The following XKR9 variants were observed in gnomAD, a reference collection of about 807,000 sequenced individuals.
The protein encoded by XKR9 is XK related 9.
XKR9 carries 32 observed loss-of-function variants against 32.0 expected under a neutral mutation model. The observed-to-expected ratio is 1.00, with a 90% CI of 0.76 to 1.34. XKR9 has a LOEUF of 1.34. Ranked by LOEUF, XKR9 falls within the 40% of genes most tolerant of loss-of-function variation. The pLI is 0.00. For synonymous variants in XKR9, 168 were observed against 143.4 expected (o/e 1.17, Z -1.22); for missense variants, 546 against 429.7 (o/e 1.27, Z -2.39).
the XKR9 span, among the ~76,000 whole-genome samples, chr8:70,820,477 C>T: frequency 6.6e-6 from 1 of 152,122 alleles, no homozygotes. Flanking sequence ...GCATGTTATA[C>T]AATGATAGAG....
chr8:70,855,361 T>C, the XKR9 span, among the ~76,000 whole-genome samples: 1 of 152,020 alleles, frequency 6.6e-6, no homozygotes, highest in Non-Finnish European at 1.5e-5. Context: ...TTCAATCAAC[T>C]GGAAGAAAGG....
intron 2 of XKR9, among the ~76,000 whole-genome samples, chr8:70,761,498 G>A (rs1037174701): frequency 3.3e-5 from 5 of 152,028 alleles, no homozygotes; most frequent in Admixed American, 1.3e-4. Flanking sequence ...TTGTTCGCAC[G>A]TGTCTTCTTT....
chr8:70,791,886 C>A (rs971890041), downstream of XKR9, among the ~76,000 whole-genome samples: 6 of 152,036 alleles, frequency 3.9e-5, no homozygotes, highest in Non-Finnish European at 7.4e-5. Context: ...TGATTTACCC[C>A]CTTCATTTAT....
the XKR9 span, among the ~76,000 whole-genome samples, chr8:70,833,999 G>A: frequency 1.3e-5 from 2 of 152,120 alleles, no homozygotes; most frequent in East Asian, 1.9e-4. Context: ...AATGCAATGG[G>A]TAGCCATGGA....
downstream of XKR9, among the ~76,000 whole-genome samples, chr8:70,736,376 C>T (rs1039446783): frequency 2.6e-5 from 4 of 151,980 alleles, no homozygotes; most frequent in Non-Finnish European, 5.9e-5. Flanking sequence ...AGCCCTTTGT[C>T]AGATGAGTAG....
chr8:70,863,797 T>C, the XKR9 span, among the ~76,000 whole-genome samples: 10 of 152,266 alleles, frequency 6.6e-5, no homozygotes, highest in South Asian at 2.1e-3. Context: ...AGGAGAAATA[T>C]AGAGAACAAC....
At chr8:70,747,262 G>C (rs555416781) in intron 2 of XKR9, among the ~76,000 whole-genome samples, 1 of 152,154 alleles carries the variant, frequency 6.6e-6, no homozygotes, top group African/African-American at 2.4e-5. Context: ...TTTTCCTTTG[G>C]ATATATACCC....
the XKR9 span, among the ~76,000 whole-genome samples, chr8:71,042,161 G>T: frequency 6.6e-6 from 1 of 152,290 alleles, no homozygotes; most frequent in South Asian, 2.1e-4. Context: ...CTAGAAGCTA[G>T]AAGTGGAGCC....
intron 2 of XKR9, among the ~76,000 whole-genome samples, chr8:70,775,843 C>T (rs557649164): frequency 2.0e-5 from 3 of 151,268 alleles, no homozygotes; most frequent in Non-Finnish European, 4.4e-5. Flanking sequence ...TTTTTGGGTT[C>T]AAGTGATCCT....
At chr8:70,944,386 A>G in the XKR9 span, among the ~76,000 whole-genome samples, 1 of 152,210 alleles carries the variant, frequency 6.6e-6, no homozygotes, top group African/African-American at 2.4e-5. Context: ...AACGAAACAA[A>G]CAAAAGAAAC....
chr8:70,722,647 G>T (rs1806321068), intron 4 of XKR9, among the ~76,000 whole-genome samples: 1 of 152,154 alleles, frequency 6.6e-6, no homozygotes, highest in Non-Finnish European at 1.5e-5. Flanking sequence ...GGCTTGTAGG[G>T]TTTCTGCAGA....
intron 3 of XKR9, among the ~76,000 whole-genome samples, chr8:70,701,123 G>T (rs1373006182): frequency 6.6e-6 from 1 of 152,202 alleles, no homozygotes. Flanking sequence ...GGAACTCCCT[G>T]ACCCCTTGCA....
In XKR9 at chr8:70,692,342, T is replaced by C. The variant is rs560135251; in HGVS notation, c.272+11012T>C. Among the ~76,000 whole-genome samples, 3 of 152,218 alleles carry C rather than the reference T, an allele frequency of 2.0e-5. No homozygotes were observed. In the South Asian group the frequency reaches 6.2e-4, roughly 32 times the overall value. ...CCAAGACACTGGGGTTTTCTAGATATAGAATCATGTCATCTGCAAACAGAG... is the reference window on the plus strand; with the variant it reads ...CCAAGACACTGGGGTTTTCTAGATACAGAATCATGTCATCTGCAAACAGAG... On this transcript the variant is annotated intron_variant, in intron 3 of 4. Coordinates refer to ENST00000408926, the MANE Select transcript of XKR9 (RefSeq NM_001011720.2).
At chr8:70,781,384 C>G (rs1051561119) in intron 2 of XKR9, among the ~76,000 whole-genome samples, 1 of 151,720 alleles carries the variant, frequency 6.6e-6, no homozygotes, top group Non-Finnish European at 1.5e-5. Flanking sequence ...TTTTTACTTT[C>G]TTTTTTTCCT....
At chr8:70,736,467 T>A (rs1437485606), downstream of XKR9, among the ~76,000 whole-genome samples, 1 of 152,228 alleles carries the variant, frequency 6.6e-6, no homozygotes, top group Non-Finnish European at 1.5e-5. Context: ...AGCTCTTTAT[T>A]TTAATTAGAT....
chr8:70,768,819 T>C (rs1807413817), intron 2 of XKR9, among the ~76,000 whole-genome samples: 1 of 152,120 alleles, frequency 6.6e-6, no homozygotes, highest in Admixed American at 6.5e-5. Flanking sequence ...TGAGCCTATA[T>C]GTGTCTTTGC....
At chr8:71,030,466 G>C in the XKR9 span, among the ~76,000 whole-genome samples, 11 of 152,150 alleles carry the variant, frequency 7.2e-5, no homozygotes, top group African/African-American at 2.7e-4. Context: ...CAAGTCCAAA[G>C]TTCTGGCCAG....
chr8:70,738,283 G>A (rs533271027), downstream of XKR9, among the ~76,000 whole-genome samples: 4 of 143,984 alleles, frequency 2.8e-5, no homozygotes, highest in East Asian at 5.8e-4. Context: ...TTCTCTGATG[G>A]TAGTTTGTAT....
chr8:70,959,521 G>A, the XKR9 span, among the ~76,000 whole-genome samples: 1 of 152,138 alleles, frequency 6.6e-6, no homozygotes, highest in East Asian at 1.9e-4. Context: ...ATGCTTCAGC[G>A]AATATCCCTA....
Sources: gnomAD v4.1 joint callset for allele counts (sites outside exome capture counted in the v4.1 genomes callset) on GRCh38, gnomAD v4.1.1 for gene constraint, MANE v1.5 for transcripts, NCBI Gene and HGNC (gene_info 2026-07-23, HGNC 2026-07-21) for gene names.